The following ADAM29 variants were observed in gnomAD, a reference collection of about 807,000 sequenced individuals.
ADAM29 encodes the protein ADAM metallopeptidase domain 29, also known as disintegrin and metalloproteinase domain-containing protein 29.
For missense variants in ADAM29, 969 were observed against 1,001.8 expected (o/e 0.97, Z 0.44); for synonymous variants, 367 against 342.3 (o/e 1.07, Z -0.80).
chr4:174,962,404 C>T (rs566256437), intron 4 of ADAM29, among the ~76,000 whole-genome samples: 2 of 150,812 alleles, frequency 1.3e-5, no homozygotes, highest in East Asian at 2.0e-4. Flanking sequence ...CCCAGCTACT[C>T]GGGAGGCTGA....
intron 4 of ADAM29, among the ~76,000 whole-genome samples, chr4:174,959,853 G>A (rs1745709866): frequency 6.6e-6 from 1 of 151,598 alleles, no homozygotes; most frequent in South Asian, 2.1e-4. Context: ...TTTTCTTAAT[G>A]TAGCCATGTC....
chr4:174,956,474 AGGTG>A (rs1745504238), intron 4 of ADAM29, among the ~76,000 whole-genome samples: 3 of 148,534 alleles, frequency 2.0e-5, no homozygotes, highest in African/African-American at 7.5e-5. Context: ...TTTTAAAAAA[AGGTG>A]TGTGTGTGTG....
intron 4 of ADAM29, among the ~76,000 whole-genome samples, chr4:174,937,970 A>T (rs762796094): frequency 6.6e-6 from 1 of 152,096 alleles, no homozygotes; most frequent in Non-Finnish European, 1.5e-5. Context: ...GTCCAACAAA[A>T]GTGTGTTGGC....
At chr4:174,932,999 A>G (rs556401539) in intron 3 of ADAM29, among the ~76,000 whole-genome samples, 1 of 152,296 alleles carries the variant, frequency 6.6e-6, no homozygotes, top group Non-Finnish European at 1.5e-5. Context: ...TGATTTGGTC[A>G]GATAAGAGGA....
intron 4 of ADAM29, among the ~76,000 whole-genome samples, chr4:174,940,352 A>G (rs1199497618): frequency 6.6e-6 from 1 of 152,208 alleles, no homozygotes; most frequent in Non-Finnish European, 1.5e-5. Flanking sequence ...AGATATTAAT[A>G]GACAAAACCG....
At chr4:174,963,503 A>C (rs2111070597) in intron 4 of ADAM29, among the ~76,000 whole-genome samples, 1 of 152,336 alleles carries the variant, frequency 6.6e-6, no homozygotes, top group African/African-American at 2.4e-5. Context: ...CAAAAAAAAG[A>C]ATGAAGGGAT....
intron 1 of ADAM29, among the ~76,000 whole-genome samples, chr4:174,920,209 C>T (rs1469615803): frequency 2.6e-5 from 4 of 152,126 alleles, no homozygotes; most frequent in Non-Finnish European, 2.9e-5. Flanking sequence ...TCCTACTTTC[C>T]TAAGCTGAAA....
chr4:174,938,815 A>G (rs1351746800), intron 4 of ADAM29, among the ~76,000 whole-genome samples: 1 of 152,172 alleles, frequency 6.6e-6, no homozygotes, highest in Non-Finnish European at 1.5e-5. Context: ...TTGGAGTTGA[A>G]GAGTCCAAAA....
intron 4 of ADAM29, among the ~76,000 whole-genome samples, chr4:174,962,215 A>G (rs1339057423): frequency 2.0e-5 from 3 of 152,188 alleles, no homozygotes; most frequent in African/African-American, 7.2e-5. Flanking sequence ...CATGTTAAAA[A>G]GATTTACAGT....
chr4:174,975,801 C>T lies in ADAM29; in HGVS notation c.276C>T (p.Asp92=), dbSNP rs1579088158. 6.2e-7 allele frequency: 1 copy of T among 1,614,134 alleles called. No individual in the cohort carries two copies. Among genetic ancestry groups the T allele is most frequent in the Admixed American group, 1.7e-5 (1 of 60,014 alleles). The change falls in exon 5 of 5, where the codon GAC becomes GAT. Residue 92 remains aspartate, a synonymous_variant. Transcript: ENST00000359240. ...TYTDQGAILE[D]QPFVQNNCYY... is the part of the protein sequence containing the mutation. ...CAGACCAGGGTGCTATCCTTGAGGA[C>T]CAGCCATTTGTCCAGAATAACTGCT... is the stretch of plus-strand genomic sequence containing the variant.
chr4:174,963,676 G>A (rs934560220), intron 4 of ADAM29, among the ~76,000 whole-genome samples: 2 of 133,424 alleles, frequency 1.5e-5, no homozygotes, highest in African/African-American at 5.7e-5. Flanking sequence ...AGGACAAATA[G>A]TAAAGGTTTT....
intron 3 of ADAM29, among the ~76,000 whole-genome samples, chr4:174,935,776 G>C (rs1744167410): frequency 6.6e-6 from 1 of 151,998 alleles, no homozygotes; most frequent in African/African-American, 2.4e-5. Flanking sequence ...GTGTGTCTCT[G>C]TAAATAGAAA....
chr4:174,946,690 T>C (rs1382118120), intron 4 of ADAM29, among the ~76,000 whole-genome samples: 1 of 152,152 alleles, frequency 6.6e-6, no homozygotes. Flanking sequence ...TCATCAAGGA[T>C]ATTGGCCTGA....
intron 4 of ADAM29, among the ~76,000 whole-genome samples, chr4:174,973,136 C>T (rs1746564138): frequency 1.3e-5 from 2 of 152,186 alleles, no homozygotes; most frequent in Admixed American, 1.3e-4. Context: ...TATGGGGGGG[C>T]AGGGTCTGTG....
At chr4:174,923,521 A>ATG (rs1560857007) in intron 2 of ADAM29, among the ~76,000 whole-genome samples, 7 of 35,920 alleles carry the variant, frequency 1.9e-4, no homozygotes, top group East Asian at 2.6e-3. Flanking sequence ...ACTGTGCATT[A>ATG]TATGTATATA....
chr4:174,971,608 C>T (rs1400256672), intron 4 of ADAM29, among the ~76,000 whole-genome samples: 1 of 152,092 alleles, frequency 6.6e-6, no homozygotes, highest in Non-Finnish European at 1.5e-5. Context: ...TGACAAGTTA[C>T]TTTTCTCTTT....
chr4:174,961,867 C>T (rs186864843), intron 4 of ADAM29, among the ~76,000 whole-genome samples: 47 of 152,252 alleles, frequency 3.1e-4, no homozygotes, highest in African/African-American at 1.1e-3. Flanking sequence ...ATTTCACTGG[C>T]TTCTTCATCT....
intron 4 of ADAM29, among the ~76,000 whole-genome samples, chr4:174,951,920 G>T (rs894603912): frequency 6.6e-6 from 1 of 152,100 alleles, no homozygotes; most frequent in Admixed American, 6.5e-5. Flanking sequence ...AGATAGATAA[G>T]AGCAATTAGT....
At chr4:174,938,232 G>A (rs570723304) in intron 4 of ADAM29, among the ~76,000 whole-genome samples, 15 of 152,132 alleles carry the variant, frequency 9.9e-5, no homozygotes, top group African/African-American at 2.2e-4. Flanking sequence ...ATCTTGGGGC[G>A]GGGCAAGAAG....
Sources: allele counts gnomAD v4.1 joint callset (sites outside exome capture counted in the v4.1 genomes callset), GRCh38; gene constraint gnomAD v4.1.1; transcripts MANE v1.5; gene names NCBI Gene and HGNC (gene_info 2026-07-23, HGNC 2026-07-21).